Variants in FOXRED1 observed in about 807,000 individuals in gnomAD.
FOXRED1 encodes FAD dependent oxidoreductase domain containing 1.
Under a neutral mutation model 57.8 loss-of-function variants are expected in FOXRED1, and 52 were observed. That is an observed-to-expected ratio of 0.90 (90% CI 0.72 to 1.13). FOXRED1 has a LOEUF of 1.13. FOXRED1 is among the 50% of genes most tolerant of loss of function. The pLI, the probability that FOXRED1 is intolerant of heterozygous loss-of-function variation, is 0.00. For synonymous variants in FOXRED1, 271 were observed against 248.3 expected, an observed-to-expected ratio of 1.09 and a Z score of -0.86; for missense variants, 589 against 625.2, an observed-to-expected ratio of 0.94 and a Z score of 0.62.
rs1174219878 is a variant in FOXRED1, at chr11:126,276,480, A to C, written c.1058A>C (p.Glu353Ala). The C allele has an allele frequency of 6.2e-7, 1 of 1,608,664 alleles. No individual in the cohort carries two copies. The highest frequency in any genetic ancestry group is 1.7e-5 in the Admixed American group (1 of 59,820). ...ACCAGTGGAGCCTATTTTCGCCGGG[A>C]AGGATTAGGTAGCAACTACCTAGGT... ...ADTSGAYFRR[E>A]GLGSNYLGGR... The change falls in exon 9 of 11, where the codon GAA becomes GCA. Residue 353 changes from glutamate (E) to alanine (A), a missense_variant. By Grantham distance (107) the Glu-to-Ala change is moderately radical (BLOSUM62 -1). Coordinates refer to ENST00000263578, the MANE Select transcript of FOXRED1 (RefSeq NM_017547.4).
rs749934332 is a variant in FOXRED1, at chr11:126,277,400, C to T, written c.1207-35C>T. The T allele has an allele frequency of 8.2e-5, 133 of 1,612,258 alleles. 1 individual carries two copies. In the Middle Eastern group the frequency reaches 1.5e-3, roughly 18 times the overall value. The stretch of plus-strand genomic sequence containing the variant: ...AGTGAGGATGGAGTGTGGCTACAGC[C>T]TTCCCGAGAACCCCAGTGTTTTGTG... On this transcript the variant is annotated intron_variant, in intron 10 of 10. Coordinates refer to ENST00000263578, the MANE Select transcript of FOXRED1 (RefSeq NM_017547.4). The surrounding 1 kb of genome is among the most constrained non-coding windows in gnomAD (Gnocchi z 6.8).
rs1951087525 is a variant in FOXRED1, at chr11:126,274,903, C to G, written c.537-24C>G. On this transcript the variant is annotated intron_variant, in intron 4 of 10. Coordinates refer to ENST00000263578, the MANE Select transcript of FOXRED1 (RefSeq NM_017547.4). The surrounding 1 kb of genome is among the most constrained non-coding windows in gnomAD (Gnocchi z 4.8). ...CACACTCCCCTCTCTGACACACATACACCGACCCACACGTTTATCTCAGGC... is the reference window on the plus strand; with the variant it reads ...CACACTCCCCTCTCTGACACACATAGACCGACCCACACGTTTATCTCAGGC... 1 of 1,428,298 alleles carries G rather than the reference C, an allele frequency of 7.0e-7. No homozygotes were observed. Among genetic ancestry groups the G allele is most frequent in the Non-Finnish European group, 9.9e-7 (1 of 1,010,394 alleles). The allele number at this position is 1,428,298 out of a possible 1,614,324, so 88.5% of individuals were successfully genotyped here.
chr11:126,271,361 C>T lies in FOXRED1; in HGVS notation c.86-76C>T, dbSNP rs2135255724. The stretch of plus-strand genomic sequence containing the variant: ...CATGTGTCTGTTTAGCTCACCTTTT[C>T]CTGTGCCCATCCTCCAACCCCCCAA... On this transcript the variant is annotated intron_variant, in intron 1 of 10. Coordinates refer to ENST00000263578, the MANE Select transcript of FOXRED1 (RefSeq NM_017547.4). The surrounding 1 kb of genome is among the most constrained non-coding windows in gnomAD (Gnocchi z 5.3). 1 of 1,072,416 alleles carries T rather than the reference C, an allele frequency of 9.3e-7. No homozygotes were observed. The highest frequency in any genetic ancestry group is 1.5e-6 in the Non-Finnish European group (1 of 688,126). 66.4% of individuals were successfully genotyped at this position (1,072,416 alleles called of 1,614,324 possible).
Position 126,275,934 on chromosome 11 carries a change from T to C in FOXRED1, c.810+64T>C. The C allele has an allele frequency of 6.5e-7, 1 of 1,539,838 alleles. No individual in the cohort carries two copies. The highest frequency in any genetic ancestry group is 9.0e-7 in the Non-Finnish European group (1 of 1,112,690). ...GGGACAGGGAAGGTAGTGACTCTCC[T>C]TGTTTTGGTTTTCTTTGACCCACTT... On this transcript the variant is annotated intron_variant, in intron 7 of 10. Transcript: ENST00000263578. The surrounding 1 kb of genome is among the most constrained non-coding windows in gnomAD (Gnocchi z 5.9).
At position 126,274,430 on chromosome 11, in the gene FOXRED1, C is replaced by A. The variant is rs1380207387; in HGVS notation, c.537-497C>A. 4.9e-6 allele frequency: 1 copy of A among 203,912 alleles called. No individual in the cohort carries two copies. The allele number at this position is 203,912 out of a possible 1,614,324, so 12.6% of individuals were successfully genotyped here. On this transcript the variant is annotated intron_variant, in intron 4 of 10. Transcript: ENST00000263578. This position sits in a 1 kb window ranked among gnomAD's most constrained non-coding sequence, Gnocchi z 4.8. Reference sequence around the variant, plus strand: ...TTGGGAGGCCACGGCAGATGGAACACCTGAGGTCAGGAGTTCGAGACCAGC... The same window carrying A: ...TTGGGAGGCCACGGCAGATGGAACAACTGAGGTCAGGAGTTCGAGACCAGC...
At position 126,277,910 on chromosome 11, in the gene FOXRED1, C is replaced by A. The variant is rs1215594219; in HGVS notation, c.*221C>A. 7.3e-6 allele frequency: 5 copies of A among 681,210 alleles called. No homozygotes were observed. In the Admixed American group the frequency reaches 8.1e-5, roughly 11 times the overall value. The allele number at this position is 681,210 out of a possible 1,614,324, so 42.2% of individuals were successfully genotyped here. On this transcript the variant is annotated 3_prime_UTR_variant, in exon 11 of 11. Coordinates refer to ENST00000263578, the MANE Select transcript of FOXRED1 (RefSeq NM_017547.4). The surrounding 1 kb of genome is among the most constrained non-coding windows in gnomAD (Gnocchi z 6.8). ...GCGGGATCCTAGGACTGATCTGTAG[C>A]CCATGCTGATGTCACCCACCAGGGC...
rs1950980823 is a variant in FOXRED1 at position 126,271,385 on chromosome 11, A to G, written c.86-52A>G. ...TCCTGTGCCCATCCTCCAACCCCCC[A>G]ACCATGTGGGAAGGAAATGTTTGGC... is the stretch of plus-strand genomic sequence containing the variant. On this transcript the variant is annotated intron_variant, in intron 1 of 10. Transcript: ENST00000263578. The surrounding 1 kb of genome is among the most constrained non-coding windows in gnomAD (Gnocchi z 5.3). The G allele has an allele frequency of 4.3e-6, 6 of 1,382,442 alleles. No individual in the cohort carries two copies. The highest frequency in any genetic ancestry group is 1.8e-4 in the Middle Eastern group (1 of 5,620). 85.6% of individuals were successfully genotyped at this position (1,382,442 alleles called of 1,614,324 possible).
In FOXRED1 at chr11:126,277,788, TC is replaced by T; in HGVS notation, c.*104del. 1 of 1,327,246 alleles carries T rather than the reference TC, an allele frequency of 7.5e-7. No individual in the cohort carries two copies. Among genetic ancestry groups the T allele is most frequent in the Non-Finnish European group, 1.1e-6 (1 of 927,496 alleles). The allele number at this position is 1,327,246 out of a possible 1,614,324, so 82.2% of individuals were successfully genotyped here. A position where few individuals can be genotyped will look rare whatever the true frequency, so the allele number is the denominator to read the frequency against. ...TTCCCCAGTACTGTGCCAGGCCTTCTCCCCCTCCCCAGTGTCCTCTCCTCTC... is the reference window on the plus strand; with the variant it reads ...TTCCCCAGTACTGTGCCAGGCCTTCTCCCCTCCCCAGTGTCCTCTCCTCTC... On this transcript the variant is annotated 3_prime_UTR_variant, in exon 11 of 11. Coordinates refer to ENST00000263578, the MANE Select transcript of FOXRED1 (RefSeq NM_017547.4). The surrounding 1 kb of genome is among the most constrained non-coding windows in gnomAD (Gnocchi z 6.8).
Position 126,275,529 on chromosome 11 carries a change from T to A in FOXRED1, c.733+101T>A. ...AGCAAGGGCTGGAGGGGGAAAGGGG[T>A]CTCCCTGAGAGCAGGTCCTAGGCAT... On this transcript the variant is annotated intron_variant, in intron 6 of 10. Transcript: ENST00000263578. The surrounding 1 kb of genome is among the most constrained non-coding windows in gnomAD (Gnocchi z 5.9). 1 of 898,204 alleles carries A rather than the reference T, an allele frequency of 1.1e-6. No homozygotes were observed. The highest frequency in any genetic ancestry group is 1.9e-6 in the Non-Finnish European group (1 of 539,444). 55.6% of individuals were successfully genotyped at this position (898,204 alleles called of 1,614,324 possible).
chr11:126,274,970 C>G lies in FOXRED1; in HGVS notation c.580C>G (p.Arg194Gly). Reference sequence around the variant, plus strand: ...TTCTCTGATGTCTCCTGATCAGCTTCGGAACAAGTTTCCCTGGATAAACAC... The same window carrying G: ...TTCTCTGATGTCTCCTGATCAGCTTGGGAACAAGTTTCCCTGGATAAACAC... ...KVSLMSPDQL[R>G]NKFPWINTEG... Residue 194 changes from arginine (R) to glycine (G), a missense_variant, in exon 5 of 11, where the codon CGG (arginine) becomes GGG (glycine). Arg to Gly is a moderately radical substitution (Grantham distance 125). Coordinates refer to ENST00000263578, the MANE Select transcript of FOXRED1 (RefSeq NM_017547.4). This position sits in a 1 kb window ranked among gnomAD's most constrained non-coding sequence, Gnocchi z 4.8. The G allele has an allele frequency of 6.2e-7, 1 of 1,613,798 alleles. No homozygotes were observed. Among genetic ancestry groups the G allele is most frequent in the Non-Finnish European group, 8.5e-7 (1 of 1,179,730 alleles).
At position 126,276,220 on chromosome 11, in the gene FOXRED1, G is replaced by T; in HGVS notation, c.971+1G>T. On this transcript the variant is annotated splice_donor_variant, in intron 8 of 10. Coordinates refer to ENST00000263578, the MANE Select transcript of FOXRED1 (RefSeq NM_017547.4). LOFTEE classifies it high-confidence loss of function. The stretch of plus-strand genomic sequence containing the variant: ...AGCTACCTGTGGAGCCGAGGAAAAG[G>T]TAACTGCCCTCCGGACAGCTGAGGA... 6.7e-7 allele frequency: 1 copy of T among 1,488,346 alleles called. No individual in the cohort carries two copies. Among genetic ancestry groups the T allele is most frequent in the Non-Finnish European group, 9.0e-7 (1 of 1,117,012 alleles). The allele number at this position is 1,488,346 out of a possible 1,614,324, so 92.2% of individuals were successfully genotyped here.
chr11:126,272,952 TTCTTG>T lies in FOXRED1; in HGVS notation c.307-12_307-8del. 3 of 1,304,618 alleles carry T rather than the reference TTCTTG, an allele frequency of 2.3e-6. No individual in the cohort carries two copies. The highest frequency in any genetic ancestry group is 3.3e-6 in the Non-Finnish European group (3 of 896,992). 80.8% of individuals were successfully genotyped at this position (1,304,618 alleles called of 1,614,324 possible). A position where few individuals can be genotyped will look rare whatever the true frequency, so the allele number is the denominator to read the frequency against. On this transcript the variant is annotated splice_polypyrimidine_tract_variant and intron_variant, in intron 2 of 10. Coordinates refer to ENST00000263578, the MANE Select transcript of FOXRED1 (RefSeq NM_017547.4). This position sits in a 1 kb window ranked among gnomAD's most constrained non-coding sequence, Gnocchi z 4.6. ...ATAGGGTACTGGTCTACCTCAACTT[TTCTTG>T]TCTTTCCACAGTATTCACAGGCCTC...
Position 126,274,303 on chromosome 11 carries a change from A to T in FOXRED1, c.537-624A>T. ...CAGGATTGTACAAGGAGTGGAGAGG[A>T]GGTGGATCCAGGCAGGAGTGGAGGG... On this transcript the variant is annotated intron_variant, in intron 4 of 10. Coordinates refer to ENST00000263578, the MANE Select transcript of FOXRED1 (RefSeq NM_017547.4). This position sits in a 1 kb window ranked among gnomAD's most constrained non-coding sequence, Gnocchi z 4.8. 6.0e-6 allele frequency: 1 copy of T among 167,778 alleles called. No individual in the cohort carries two copies. Among genetic ancestry groups the T allele is most frequent in the Non-Finnish European group, 1.3e-5 (1 of 76,304 alleles). The allele number at this position is 167,778 out of a possible 1,614,324, so 10.4% of individuals were successfully genotyped here.
rs1951014187 is a variant in FOXRED1, at chr11:126,272,337, G to T, written c.307-632G>T. On this transcript the variant is annotated intron_variant, in intron 2 of 10. Coordinates refer to ENST00000263578, the MANE Select transcript of FOXRED1 (RefSeq NM_017547.4). This position sits in a 1 kb window ranked among gnomAD's most constrained non-coding sequence, Gnocchi z 4.6. ...ATTGTATTTATTTATTTCGAGACAG[G>T]GTCTCGCTCTGTTGCCCAGGCTGGA... The T allele has an allele frequency of 6.2e-6, 1 of 162,214 alleles. No homozygotes were observed. The highest frequency in any genetic ancestry group is 1.3e-5 in the Non-Finnish European group (1 of 74,596). The allele number at this position is 162,214 out of a possible 1,614,324, so 10.0% of individuals were successfully genotyped here. A position where few individuals can be genotyped will look rare whatever the true frequency, so the allele number is the denominator to read the frequency against.
At position 126,275,315 on chromosome 11, in the gene FOXRED1, T is replaced by C. The variant is rs757107408; in HGVS notation, c.632-12T>C. ...TCATCCCTCTTTGTGAGTTCTCTTT[T>C]TCTTATCACAGGGATGGAGGACGAA... On this transcript the variant is annotated splice_polypyrimidine_tract_variant and intron_variant, in intron 5 of 10. Coordinates refer to ENST00000263578, the MANE Select transcript of FOXRED1 (RefSeq NM_017547.4). The surrounding 1 kb of genome is among the most constrained non-coding windows in gnomAD (Gnocchi z 5.9). 6.3e-7 allele frequency: 1 copy of C among 1,591,876 alleles called. No individual in the cohort carries two copies. The highest frequency in any genetic ancestry group is 1.7e-5 in the Admixed American group (1 of 59,992).
chr11:126,275,413 C>A lies in FOXRED1; in HGVS notation c.718C>A (p.Gln240Lys), dbSNP rs1951102099. The A allele has an allele frequency of 1.9e-6, 3 of 1,611,616 alleles. No homozygotes were observed. Among genetic ancestry groups the A allele is most frequent in the East Asian group, 2.2e-5 (1 of 44,850 alleles). Residue 240 changes from glutamine (Q) to lysine (K), a missense_variant, in exon 6 of 11, where the codon CAG (glutamine) becomes AAG (lysine). Coordinates refer to ENST00000263578, the MANE Select transcript of FOXRED1 (RefSeq NM_017547.4). The surrounding 1 kb of genome is among the most constrained non-coding windows in gnomAD (Gnocchi z 5.9). ...CCAGTCCTTGGGAGTCCTTTTCTGC[C>A]AGGGAGAGGTGACACGTGAGTCTGA... The part of the protein sequence containing the change: ...KVQSLGVLFC[Q>K]GEVTRFVSSS...
Position 126,275,528 on chromosome 11 carries a change from G to T in FOXRED1, c.733+100G>T. 1.1e-6 allele frequency: 1 copy of T among 896,074 alleles called. No homozygotes were observed. The highest frequency in any genetic ancestry group is 1.9e-6 in the Non-Finnish European group (1 of 537,576). 55.5% of individuals were successfully genotyped at this position (896,074 alleles called of 1,614,324 possible). ...AAGCAAGGGCTGGAGGGGGAAAGGG[G>T]TCTCCCTGAGAGCAGGTCCTAGGCA... On this transcript the variant is annotated intron_variant, in intron 6 of 10. Coordinates refer to ENST00000263578, the MANE Select transcript of FOXRED1 (RefSeq NM_017547.4). The surrounding 1 kb of genome is among the most constrained non-coding windows in gnomAD (Gnocchi z 5.9).
At position 126,276,223 on chromosome 11, in the gene FOXRED1, A is replaced by G. The variant is rs759879360; in HGVS notation, c.971+4A>G. The G allele has an allele frequency of 6.3e-7, 1 of 1,584,874 alleles. No homozygotes were observed. ...TACCTGTGGAGCCGAGGAAAAGGTA[A>G]CTGCCCTCCGGACAGCTGAGGAGGT... On this transcript the variant is annotated splice_donor_region_variant and intron_variant, in intron 8 of 10. Coordinates refer to ENST00000263578, the MANE Select transcript of FOXRED1 (RefSeq NM_017547.4).
Position 126,277,126 on chromosome 11 carries a change from A to G in FOXRED1, c.1157A>G (p.Lys386Arg), listed in dbSNP as rs1272387272. The part of the protein sequence containing the change: ...LEVDHDFFQD[K>R]VWPHLALRVP... The stretch of plus-strand genomic sequence containing the variant: ...GTGGACCATGATTTCTTCCAGGACA[A>G]GGTGTGGCCCCATTTGGCCCTGAGG... The change falls in exon 10 of 11, where the codon AAG (lysine) becomes AGG (arginine). Residue 386 changes from lysine to arginine, a missense_variant. By Grantham distance (26) the Lys-to-Arg change is conservative. Transcript: ENST00000263578. This position sits in a 1 kb window ranked among gnomAD's most constrained non-coding sequence, Gnocchi z 6.8. 7 of 1,613,574 alleles carry G rather than the reference A, an allele frequency of 4.3e-6. No individual in the cohort carries two copies. The highest frequency in any genetic ancestry group is 2.2e-5 in the East Asian group (1 of 44,890).
Sources: allele counts gnomAD v4.1 joint callset, GRCh38; gene constraint gnomAD v4.1.1; non-coding constraint Gnocchi (gnomAD v3.1); transcripts MANE v1.5; gene names NCBI Gene and HGNC (gene_info 2026-07-23, HGNC 2026-07-21).